Variants in YBX2 observed in about 807,000 individuals in gnomAD.
YBX2 encodes Y-box binding protein 2.
In YBX2, 5 loss-of-function variants were observed where a neutral mutation model predicts 44.4. That is an observed-to-expected ratio of 0.11 (90% CI 0.06 to 0.24). The LOEUF (loss-of-function observed/expected upper bound fraction) is 0.24. Among genes scored for constraint, YBX2 ranks in the 10% least tolerant of loss-of-function variants. YBX2 has a pLI of 1.00. For synonymous variants in YBX2, 188 were observed against 216.1 expected, an observed-to-expected ratio of 0.87 and a Z score of 1.14; for missense variants, 417 against 526.9, an observed-to-expected ratio of 0.79 and a Z score of 2.04.
intron 1 of YBX2, 196 bp from the exon 2 acceptor site, chr17:7,293,734 A>C: frequency 9.3e-7 from 1 of 1,079,816 alleles, no homozygotes; most frequent in Non-Finnish European, 1.3e-6. Context: ...AATCACCCAC[A>C]CAGGGACTCA....
Position 7,291,110 on chromosome 17 carries a change from C to T in YBX2, c.442G>A (p.Val148Ile), listed in dbSNP as rs1306728833. The T allele has an allele frequency of 1.2e-6, 2 of 1,612,676 alleles. No homozygotes were observed. Among genetic ancestry groups the T allele is most frequent in the African/African-American group, 2.7e-5 (2 of 74,868 alleles). The change falls in exon 4 of 9, where the codon GTC becomes ATC. Residue 148 changes from valine to isoleucine, a missense_variant. Physicochemically the swap from Val to Ile is conservative, Grantham distance 29 (BLOSUM62 3). This residue lies in a region of YBX2 where 39 missense variants were observed against 123.8 expected (regional missense o/e 0.32). Transcript: ENST00000007699. This position sits in a 1 kb window ranked among gnomAD's most constrained non-coding sequence, Gnocchi z 5.8. The part of the protein sequence containing the change: ...VGDGETVEFD[V>I]VEGEKGAEAT... ...CCCCAAACCTTCTCTCCTTCCACGA[C>T]ATCAAATTCCACAGTCTCCCCATCT...
chr17:7,290,240 C>T lies in YBX2; in HGVS notation c.744+11G>A. 1 of 1,607,346 alleles carries T rather than the reference C, an allele frequency of 6.2e-7. No individual in the cohort carries two copies. The highest frequency in any genetic ancestry group is 8.5e-7 in the Non-Finnish European group (1 of 1,175,308). ...TGGGGAACTGGCTCCCATATTCCAG[C>T]ATCCCCTCACCTCTATAGGCTGCTG... On this transcript the variant is annotated intron_variant, in intron 5 of 8. Coordinates refer to ENST00000007699, the MANE Select transcript of YBX2 (RefSeq NM_015982.4).
In YBX2 at chr17:7,294,465, C is replaced by A; in HGVS notation, c.36G>T (p.Ala12=). Residue 12 remains alanine (A), a synonymous_variant, in exon 1 of 9, where the codon GCG becomes GCT. Coordinates refer to ENST00000007699, the MANE Select transcript of YBX2 (RefSeq NM_015982.4). The surrounding 1 kb of genome is among the most constrained non-coding windows in gnomAD (Gnocchi z 4.6). The part of the protein sequence containing the change: ...SEVEAAAGAT[A]VPAATVPATA... ...TCGCGGGCACCGTCGCCGCGGGGACCGCTGTAGCCCCCGCTGCCGCCTCCA... is the reference window on the plus strand; with the variant it reads ...TCGCGGGCACCGTCGCCGCGGGGACAGCTGTAGCCCCCGCTGCCGCCTCCA... 1 of 1,476,496 alleles carries A rather than the reference C, an allele frequency of 6.8e-7. No homozygotes were observed. The highest frequency in any genetic ancestry group is 9.0e-7 in the Non-Finnish European group (1 of 1,116,946). 91.5% of individuals were successfully genotyped at this position (1,476,496 alleles called of 1,614,324 possible). A position where few individuals can be genotyped will look rare whatever the true frequency, so the allele number is the denominator to read the frequency against.
intron 4 of YBX2, among the ~76,000 whole-genome samples, 157 bp downstream of exon 4, chr17:7,290,936 C>T (rs373964148): frequency 2.4e-4 from 36 of 152,170 alleles, no homozygotes; most frequent in African/African-American, 7.7e-4. Flanking sequence ...ATCCCTTAGC[C>T]CTAGCATTAA....
rs1403417371 is a variant in YBX2, at chr17:7,291,416, C to G, written c.370-234G>C. 6 of 572,006 alleles carry G rather than the reference C, an allele frequency of 1.0e-5. No homozygotes were observed. Among genetic ancestry groups the G allele is most frequent in the Non-Finnish European group, 1.6e-5 (5 of 317,550 alleles). 35.4% of individuals were successfully genotyped at this position (572,006 alleles called of 1,614,324 possible). A position where few individuals can be genotyped will look rare whatever the true frequency, so the allele number is the denominator to read the frequency against. On this transcript the variant is annotated intron_variant, in intron 3 of 8. Transcript: ENST00000007699. This position sits in a 1 kb window ranked among gnomAD's most constrained non-coding sequence, Gnocchi z 5.8. ...GATGCACTCCCCGCACCTCCCCTCC[C>G]GCCCCGCTTTACCCCTCAGGGATTT...
At chr17:7,290,759 C>T (rs749689508) in intron 4 of YBX2, among the ~76,000 whole-genome samples, 4 of 152,204 alleles carry the variant, frequency 2.6e-5, no homozygotes, top group Non-Finnish European at 4.4e-5. Context: ...CCTGAGTATA[C>T]GACTGGGTGG....
chr17:7,289,851 C>T, intron 6 of YBX2, 117 bp downstream of exon 6: 1 of 1,583,640 alleles, frequency 6.3e-7, no homozygotes, highest in Non-Finnish European at 8.6e-7. Flanking sequence ...CCGCAAGGCA[C>T]CTGTCTCGCC....
Position 7,289,832 on chromosome 17 carries a change from A to G in YBX2, c.849-107T>C, listed in dbSNP as rs1597603141. Reference sequence around the variant, plus strand: ...GGAGCCAGGCTTCCAGCCCATGAGCACTGCCTCCCCGCAAGGCACCTGTCT... The same window carrying G: ...GGAGCCAGGCTTCCAGCCCATGAGCGCTGCCTCCCCGCAAGGCACCTGTCT... On this transcript the variant is annotated intron_variant, in intron 6 of 8. Transcript: ENST00000007699. 5.0e-6 allele frequency: 8 copies of G among 1,589,870 alleles called. No homozygotes were observed. In the East Asian group the frequency reaches 1.6e-4, roughly 31 times the overall value.
Position 7,288,629 on chromosome 17 carries a change from A to G in YBX2, c.*54T>C, listed in dbSNP as rs1812418631. The G allele has an allele frequency of 1.2e-6, 1 of 826,358 alleles. No individual in the cohort carries two copies. Among genetic ancestry groups the G allele is most frequent in the Admixed American group, 2.3e-5 (1 of 44,374 alleles). 51.2% of individuals were successfully genotyped at this position (826,358 alleles called of 1,614,324 possible). On this transcript the variant is annotated 3_prime_UTR_variant, in exon 9 of 9. Transcript: ENST00000007699. ...CTGGGTAGGGTACAGGTCATTTGGA[A>G]AAACTGGCAGATACCTGAGAGAGAA...
chr17:7,291,990 C>G lies in YBX2; in HGVS notation c.369+36G>C. 3.7e-6 allele frequency: 6 copies of G among 1,613,932 alleles called. No individual in the cohort carries two copies. Among genetic ancestry groups the G allele is most frequent in the Non-Finnish European group, 5.1e-6 (6 of 1,179,820 alleles). On this transcript the variant is annotated intron_variant, in intron 3 of 8. Coordinates refer to ENST00000007699, the MANE Select transcript of YBX2 (RefSeq NM_015982.4). The surrounding 1 kb of genome is among the most constrained non-coding windows in gnomAD (Gnocchi z 5.8). Reference sequence around the variant, plus strand: ...TACAGCAAAGGCCTTCAAAGACGGCCGGTTCTTCCCCTCAGAAAGCTAACC... The same window carrying G: ...TACAGCAAAGGCCTTCAAAGACGGCGGGTTCTTCCCCTCAGAAAGCTAACC...
rs1238445228 is a variant in YBX2, at chr17:7,290,069, G to A, written c.747C>T (p.Gly249=). 6.2e-7 allele frequency: 1 copy of A among 1,614,234 alleles called. No individual in the cohort carries two copies. Among genetic ancestry groups the A allele is most frequent in the Admixed American group, 1.7e-5 (1 of 60,034 alleles). Residue 249 remains glycine, a splice_region_variant and synonymous_variant, in exon 6 of 9, where the codon GGC becomes GGT. Transcript: ENST00000007699. ...TCTCTTTGGGTTCTACCCTGTCAGT[G>A]CCCTGGGAACATGCAAAGGCCCCGG... ...RPPNQQQPIE[G]TDRVEPKETA... is the part of the protein sequence containing the mutation.
intron 7 of YBX2, among the ~76,000 whole-genome samples, chr17:7,289,287 GGA>G: frequency 7.4e-6 from 1 of 135,618 alleles, no homozygotes; most frequent in African/African-American, 2.5e-5. Flanking sequence ...AGCAAGTGGG[GGA>G]TGGGTTGGGG....
rs908874074 is a variant in YBX2, at chr17:7,294,340, G to A, written c.161C>T (p.Ala54Val). The A allele has an allele frequency of 3.8e-5, 50 of 1,326,406 alleles. No individual in the cohort carries two copies. The highest frequency in any genetic ancestry group is 3.4e-4 in the Admixed American group (9 of 26,244). The allele number at this position is 1,326,406 out of a possible 1,614,324, so 82.2% of individuals were successfully genotyped here. Residue 54 changes from alanine to valine, a missense_variant, in exon 1 of 9, where the codon GCT (alanine) becomes GTT (valine). Around this residue, in one of 3 missense-constraint regions of YBX2, gnomAD observed 121 missense variants for 141.3 expected, o/e 0.86. Coordinates refer to ENST00000007699, the MANE Select transcript of YBX2 (RefSeq NM_015982.4). This position sits in a 1 kb window ranked among gnomAD's most constrained non-coding sequence, Gnocchi z 4.6. ...GGGGGAASGP[A>V]AGTPSAPGSR... is the part of the protein sequence containing the mutation. ...GCCCGGCGCCGAGGGGGTCCCAGCA[G>A]CGGGGCCCGAGGCGGCTCCGCCCCC...
rs1198682893 is a variant in YBX2, at chr17:7,290,551, G to A, written c.460-16C>T. 2 of 1,609,716 alleles carry A rather than the reference G, an allele frequency of 1.2e-6. No homozygotes were observed. Among genetic ancestry groups the A allele is most frequent in the South Asian group, 1.1e-5 (1 of 90,858 alleles). On this transcript the variant is annotated splice_polypyrimidine_tract_variant and intron_variant, in intron 4 of 8. Coordinates refer to ENST00000007699, the MANE Select transcript of YBX2 (RefSeq NM_015982.4). ...CTTCTGCGCCCTGGGAAGGTGGTAA[G>A]GGAATAGTGAGAACCTGCTCCAACA...
intron 6 of YBX2, 74 bp from the exon 7 acceptor site, chr17:7,289,799 C>T: frequency 1.2e-6 from 2 of 1,601,496 alleles, no homozygotes; most frequent in Admixed American, 3.4e-5. Flanking sequence ...TGCCCCACCC[C>T]ACCTCCAGGA....
In YBX2 at chr17:7,291,253, A is replaced by G; in HGVS notation, c.370-71T>C. On this transcript the variant is annotated intron_variant, in intron 3 of 8. Transcript: ENST00000007699. This position sits in a 1 kb window ranked among gnomAD's most constrained non-coding sequence, Gnocchi z 5.8. ...AGTCTCTGTCACCCCTGCTGGGGCC[A>G]CCACCCAATTTCATTCTTTCAACAT... 1 of 1,441,396 alleles carries G rather than the reference A, an allele frequency of 6.9e-7. No homozygotes were observed. Among genetic ancestry groups the G allele is most frequent in the East Asian group, 2.3e-5 (1 of 43,582 alleles). 89.3% of individuals were successfully genotyped at this position (1,441,396 alleles called of 1,614,324 possible). A position where few individuals can be genotyped will look rare whatever the true frequency, so the allele number is the denominator to read the frequency against.
chr17:7,291,042 C>A lies in YBX2; in HGVS notation c.459+51G>T, dbSNP rs1379632700. The A allele has an allele frequency of 6.3e-7, 1 of 1,587,916 alleles. No homozygotes were observed. The highest frequency in any genetic ancestry group is 8.6e-7 in the Non-Finnish European group (1 of 1,158,106). On this transcript the variant is annotated intron_variant, in intron 4 of 8. Coordinates refer to ENST00000007699, the MANE Select transcript of YBX2 (RefSeq NM_015982.4). The surrounding 1 kb of genome is among the most constrained non-coding windows in gnomAD (Gnocchi z 5.8). The stretch of plus-strand genomic sequence containing the variant: ...GTCTTAGCCTGTGATGACCTCCAGG[C>A]CACCCTCCCGTAAGCCTAGTCAACT...
Position 7,289,660 on chromosome 17 carries a change from C to T in YBX2, c.914G>A (p.Ser305Asn), listed in dbSNP as rs1182413141. The change falls in exon 7 of 9, where the codon AGC becomes AAC. Residue 305 changes from serine to asparagine, a missense_variant. This residue lies in a region of YBX2 where 257 missense variants were observed against 261.7 expected (regional missense o/e 0.98). Coordinates refer to ENST00000007699, the MANE Select transcript of YBX2 (RefSeq NM_015982.4). ...CCGGGAACCATCAGCGGGACCTTGG[C>T]TGGGCTTGGTCTCACCATCCCCACC... ...TEGGDGETKP[S>N]QGPADGSRPE... The T allele has an allele frequency of 6.2e-7, 1 of 1,614,122 alleles. No homozygotes were observed. The highest frequency in any genetic ancestry group is 8.5e-7 in the Non-Finnish European group (1 of 1,179,996).
At position 7,293,845 on chromosome 17, in the gene YBX2, GC is replaced by G. The variant is rs1472067134; in HGVS notation, c.272-308del. ...GTACTCACCTGGTCTGCAAAGTGCC[GC>G]CCCCAGGTCATAACTGAGGGTTTTT... On this transcript the variant is annotated intron_variant, in intron 1 of 8. Coordinates refer to ENST00000007699, the MANE Select transcript of YBX2 (RefSeq NM_015982.4). 1.3e-5 allele frequency: 7 copies of G among 546,914 alleles called. No homozygotes were observed. In the East Asian group the frequency reaches 1.3e-4, roughly 10 times the overall value. The allele number at this position is 546,914 out of a possible 1,614,324, so 33.9% of individuals were successfully genotyped here. A position where few individuals can be genotyped will look rare whatever the true frequency, so the allele number is the denominator to read the frequency against.
Sources: gnomAD v4.1 joint callset for allele counts (sites outside exome capture counted in the v4.1 genomes callset) on GRCh38, gnomAD v4.1.1 for gene constraint, gnomAD v4.1.1 regional missense constraint, Gnocchi (gnomAD v3.1) non-coding constraint, MANE v1.5 for transcripts, NCBI Gene and HGNC (gene_info 2026-07-23, HGNC 2026-07-21) for gene names.